Variants in TYW1 observed in about 807,000 individuals in gnomAD.
The protein encoded by TYW1 is S-adenosyl-L-methionine-dependent tRNA 4-demethylwyosine synthase TYW1.
Under a neutral mutation model 96.2 loss-of-function variants are expected in TYW1, and 46 were observed. That is an observed-to-expected ratio of 0.48 (90% CI 0.38 to 0.61). The LOEUF (loss-of-function observed/expected upper bound fraction) is 0.61. Ranked by LOEUF, TYW1 falls within the 20% of genes least tolerant of loss-of-function variation. The pLI is 0.00. For missense variants in TYW1, 684 were observed against 909.6 expected (o/e 0.75, Z 3.19); for synonymous variants, 274 against 323.0 (o/e 0.85, Z 1.63).
chr7:67,183,513 G>A (rs1799907665), intron 14 of TYW1, among the ~76,000 whole-genome samples: 1 of 152,164 alleles, frequency 6.6e-6, no homozygotes, highest in South Asian at 2.1e-4. Context: ...ACCATGTAGT[G>A]ACATGAATAT....
At chr7:67,233,657 G>A (rs548654882) in intron 15 of TYW1, among the ~76,000 whole-genome samples, 1 of 136,126 alleles carries the variant, frequency 7.3e-6, no homozygotes, top group Admixed American at 7.4e-5. Flanking sequence ...CAGATTTTAC[G>A]ATTTGGGGTC....
chr7:67,027,929 CA>C (rs5884602), intron 7 of TYW1, among the ~76,000 whole-genome samples: 123 of 122,258 alleles, frequency 1.0e-3, no homozygotes, highest in Admixed American at 1.3e-3. Flanking sequence ...GACTCCATCT[CA>C]AAAAAAAAAA....
At chr7:67,018,812 C>T (rs1201259307) in intron 6 of TYW1, among the ~76,000 whole-genome samples, 4 of 151,680 alleles carry the variant, frequency 2.6e-5, no homozygotes, top group Admixed American at 2.0e-4. Context: ...AAAAATTAGC[C>T]AGGTGTGGTG....
chr7:67,114,661 A>T (rs1397872473), intron 12 of TYW1, among the ~76,000 whole-genome samples: 1 of 152,180 alleles, frequency 6.6e-6, no homozygotes, highest in Non-Finnish European at 1.5e-5. Context: ...GATTTTGATG[A>T]TGTAAGACTC....
chr7:67,042,717 C>T (rs1301759107), intron 7 of TYW1, among the ~76,000 whole-genome samples: 1 of 151,992 alleles, frequency 6.6e-6, no homozygotes, highest in Non-Finnish European at 1.5e-5. Context: ...TATTAGGAGG[C>T]CGGGTGCAGT....
At chr7:66,999,989 G>A (rs1283724411) in intron 3 of TYW1, among the ~76,000 whole-genome samples, 1 of 151,306 alleles carries the variant, frequency 6.6e-6, no homozygotes, top group East Asian at 1.9e-4. Context: ...AGGCTGGAGT[G>A]CAGTTGTGCC....
chr7:67,183,479 T>G (rs1325759835), intron 14 of TYW1, among the ~76,000 whole-genome samples: 2 of 152,144 alleles, frequency 1.3e-5, no homozygotes, highest in Non-Finnish European at 2.9e-5. Context: ...GGATGGACAG[T>G]CCACACAAAG....
At chr7:67,073,554 G>A (rs1310515810) in intron 10 of TYW1, among the ~76,000 whole-genome samples, 5 of 151,562 alleles carry the variant, frequency 3.3e-5, no homozygotes, top group South Asian at 2.1e-4. Flanking sequence ...GGCGGATCAC[G>A]AGGTCAGGAG....
At chr7:67,171,927 A>G (rs1388916683) in intron 13 of TYW1, among the ~76,000 whole-genome samples, 1 of 152,098 alleles carries the variant, frequency 6.6e-6, no homozygotes, top group East Asian at 1.9e-4. Context: ...GATTTACCCA[A>G]AAATTTTCTC....
chr7:67,049,012 T>TC (rs1280503398), intron 7 of TYW1, among the ~76,000 whole-genome samples: 1 of 152,206 alleles, frequency 6.6e-6, no homozygotes, highest in Non-Finnish European at 1.5e-5. Context: ...AGACTCTGTT[T>TC]CAAAAAATAA....
chr7:67,105,666 A>G (rs1797214688), intron 12 of TYW1, among the ~76,000 whole-genome samples: 1 of 152,168 alleles, frequency 6.6e-6, no homozygotes, highest in Non-Finnish European at 1.5e-5. Context: ...GTCATCTGCC[A>G]CTTGTCAGAG....
intron 6 of TYW1, 139 bp downstream of exon 6, chr7:67,018,282 T>C (rs1794098231): frequency 4.3e-6 from 5 of 1,173,998 alleles, no homozygotes; most frequent in Middle Eastern, 2.3e-4. Context: ...CTCGCACTTG[T>C]AATCCCCACA....
At chr7:67,091,365 G>A (rs991430082) in intron 11 of TYW1, among the ~76,000 whole-genome samples, 5 of 141,046 alleles carry the variant, frequency 3.5e-5, no homozygotes, top group African/African-American at 1.0e-4. Flanking sequence ...ACTGAACAAT[G>A]AGAACACTTA....
chr7:67,160,015 G>GA, intron 13 of TYW1, among the ~76,000 whole-genome samples: 1 of 152,028 alleles, frequency 6.6e-6, no homozygotes, highest in Non-Finnish European at 1.5e-5. Flanking sequence ...GTGTTAGCCA[G>GA]ATGGTCTCGA....
At chr7:67,207,705 CATTTTGTTTGCCT>C (rs1563071736) in intron 15 of TYW1, among the ~76,000 whole-genome samples, 9 of 79,028 alleles carry the variant, frequency 1.1e-4, no homozygotes, top group Admixed American at 3.8e-4. Context: ...GAGATGGAGT[CATTTTGTTTGCCT>C]TTTTTTTTTT....
chr7:67,139,706 A>G (rs1046233332), intron 13 of TYW1, among the ~76,000 whole-genome samples: 2 of 149,850 alleles, frequency 1.3e-5, no homozygotes, highest in African/African-American at 4.9e-5. Flanking sequence ...GGCTAACTGC[A>G]TATTACATAC....
intron 7 of TYW1, among the ~76,000 whole-genome samples, chr7:67,029,189 G>A (rs187352044): frequency 6.6e-5 from 10 of 151,536 alleles, no homozygotes; most frequent in Admixed American, 4.6e-4. Flanking sequence ...TAGTAGAGAC[G>A]GGGTTTCACC....
intron 9 of TYW1, among the ~76,000 whole-genome samples, chr7:67,058,314 C>A (rs949348939): frequency 1.6e-4 from 25 of 152,242 alleles, no homozygotes; most frequent in Middle Eastern, 6.8e-3. Flanking sequence ...CATAGCAGGT[C>A]TTTAGTTTTG....
rs181073487 is a variant in TYW1, at chr7:67,156,767, C to T, written c.1699-26359C>T. On this transcript the variant is annotated intron_variant, in intron 13 of 15. Coordinates refer to ENST00000359626, the MANE Select transcript of TYW1 (RefSeq NM_018264.4). ...AGTCTGGTGGGGGTTGAGCTCAATA[C>T]GGTGCTGTGATGTAGTTGCTTGGGG... Among the ~76,000 whole-genome samples, 100 of 151,852 alleles carry T rather than the reference C, an allele frequency of 6.6e-4. 1 individual carries two copies. Among genetic ancestry groups the T allele is most frequent in the African/African-American group, 2.3e-3 (96 of 41,352 alleles).
Sources: gnomAD v4.1 joint callset for allele counts (sites outside exome capture counted in the v4.1 genomes callset) on GRCh38, gnomAD v4.1.1 for gene constraint, MANE v1.5 for transcripts, NCBI Gene and HGNC (gene_info 2026-07-23, HGNC 2026-07-21) for gene names.